Variants in FBXO22 observed in about 807,000 individuals in gnomAD.
FBXO22 encodes F-box protein 22, also known as F-box only protein 22.
A neutral mutation model predicts 37.2 loss-of-function variants in FBXO22; 13 were observed. The observed-to-expected ratio is 0.35, with a 90% CI of 0.23 to 0.56. The LOEUF (loss-of-function observed/expected upper bound fraction) is 0.56. FBXO22 is among the 20% of genes least tolerant of loss of function. FBXO22 has a pLI of 0.87. For synonymous variants in FBXO22, 189 were observed against 189.1 expected (o/e 1.00, Z 0.00); for missense variants, 446 against 509.9 (o/e 0.87, Z 1.21).
At chr15:75,932,453 CTTTGTA>C (rs2030066449) in intron 6 of FBXO22, among the ~76,000 whole-genome samples, 1 of 152,060 alleles carries the variant, frequency 6.6e-6, no homozygotes, top group African/African-American at 2.4e-5. Context: ...TGCATTGCCC[CTTTGTA>C]TTTGTGACTG....
rs552012513 is a variant in FBXO22 at position 75,932,337 on chromosome 15, TTG to T, written c.795-344_795-343del. 7.7e-3 allele frequency among the ~76,000 whole-genome samples: 1,173 copies of T among 152,346 alleles called. 9 individuals carry two copies. The highest frequency in any genetic ancestry group is 0.012 in the Non-Finnish European group (799 of 68,028). On this transcript the variant is annotated intron_variant, in intron 6 of 6. Coordinates refer to ENST00000308275, the MANE Select transcript of FBXO22 (RefSeq NM_147188.3). ...AGAAGGCTTCGTTTAGTGGATATCTTTGTGTATATTAATAAAATTATAACATT... is the reference window on the plus strand; with the variant it reads ...AGAAGGCTTCGTTTAGTGGATATCTTTGTATATTAATAAAATTATAACATT...
rs556304260 is a variant in FBXO22 at position 75,936,706 on chromosome 15, C to T, written c.*3604C>T. The T allele has an allele frequency of 6.6e-6, 1 of 152,320 alleles. No individual in the cohort carries two copies. The highest frequency in any genetic ancestry group is 6.5e-5 in the Admixed American group (1 of 15,296). The allele number at this position is 152,320 out of a possible 1,614,324, so 9.4% of individuals were successfully genotyped here. On this transcript the variant is annotated 3_prime_UTR_variant, in exon 7 of 7. Coordinates refer to ENST00000308275, the MANE Select transcript of FBXO22 (RefSeq NM_147188.3). ...TCTGCTGCCTCAGCCTCCCTAGTAG[C>T]TGGGATTACAGGCATGCGCCACCAT...
Position 75,941,546 on chromosome 15 carries a change from T to G in FBXO22, c.*8444T>G, listed in dbSNP as rs1263539331. 6.6e-6 allele frequency: 1 copy of G among 152,150 alleles called. No individual in the cohort carries two copies. Among genetic ancestry groups the G allele is most frequent in the Admixed American group, 6.5e-5 (1 of 15,274 alleles). 9.4% of individuals were successfully genotyped at this position (152,150 alleles called of 1,614,324 possible). A position where few individuals can be genotyped will look rare whatever the true frequency, so the allele number is the denominator to read the frequency against. On this transcript the variant is annotated 3_prime_UTR_variant, in exon 7 of 7. Transcript: ENST00000308275. ...CCCAAATACCCAACAGATGAATGGA[T>G]AGACAAAATGTGTTATATCCATACA...
chr15:75,925,974 A>T (rs1218746424), intron 5 of FBXO22, among the ~76,000 whole-genome samples: 1 of 152,208 alleles, frequency 6.6e-6, no homozygotes, highest in Non-Finnish European at 1.5e-5. Flanking sequence ...TACAGTAGTT[A>T]ACTTGATTAT....
chr15:75,930,226 T>G, intron 6 of FBXO22, 177 bp downstream of exon 6: 1 of 1,436,920 alleles, frequency 7.0e-7, no homozygotes, highest in African/African-American at 1.4e-5. Context: ...TGCTTACGGT[T>G]GAATAATTAC....
In FBXO22 at chr15:75,934,365, G is replaced by C. The variant is rs551683213; in HGVS notation, c.*1263G>C. ...AAGTGGCGTGGACTATCTACCTCCA[G>C]ACTGTTTTACAAGAGAGAAATTAGC... On this transcript the variant is annotated 3_prime_UTR_variant, in exon 7 of 7. Transcript: ENST00000308275. The C allele has an allele frequency of 9.9e-5, 15 of 152,170 alleles. No individual in the cohort carries two copies. Among genetic ancestry groups the C allele is most frequent in the Non-Finnish European group, 1.9e-4 (13 of 68,028 alleles). 9.4% of individuals were successfully genotyped at this position (152,170 alleles called of 1,614,324 possible).
chr15:75,904,892 C>T (rs890572730), intron 2 of FBXO22, among the ~76,000 whole-genome samples: 2 of 147,660 alleles, frequency 1.4e-5, no homozygotes, highest in Non-Finnish European at 3.0e-5. Context: ...GGCGCGATCT[C>T]GGCTCACCGC....
At chr15:75,915,912 A>AG (rs1229148143) in intron 4 of FBXO22, among the ~76,000 whole-genome samples, 2 of 151,470 alleles carry the variant, frequency 1.3e-5, no homozygotes, top group East Asian at 3.9e-4. Context: ...AAAAAAAAAA[A>AG]AAGCTAAAAT....
At chr15:75,907,614 C>T (rs965028109) in intron 2 of FBXO22, among the ~76,000 whole-genome samples, 1 of 151,758 alleles carries the variant, frequency 6.6e-6, no homozygotes, top group East Asian at 1.9e-4. Flanking sequence ...TTTTAAAGTC[C>T]GCCAGGCATG....
intron 3 of FBXO22, 70 bp downstream of exon 3, chr15:75,913,360 A>G: frequency 2.9e-6 from 3 of 1,048,366 alleles, no homozygotes; most frequent in Non-Finnish European, 2.9e-6. Flanking sequence ...GTTCAATATT[A>G]TACTTGTCCT....
intron 2 of FBXO22, among the ~76,000 whole-genome samples, chr15:75,912,839 T>C (rs1019026617): frequency 6.6e-6 from 1 of 152,214 alleles, no homozygotes; most frequent in Non-Finnish European, 1.5e-5. Flanking sequence ...CTTCTCTAGT[T>C]CTTTTAATTG....
intron 2 of FBXO22, among the ~76,000 whole-genome samples, chr15:75,909,342 A>T (rs1179617853): frequency 6.6e-6 from 1 of 152,188 alleles, no homozygotes; most frequent in Non-Finnish European, 1.5e-5. Flanking sequence ...GTTCCACAAG[A>T]ACAGAGCAAT....
intron 5 of FBXO22, among the ~76,000 whole-genome samples, chr15:75,917,963 A>G (rs1443553161): frequency 1.3e-5 from 2 of 152,188 alleles, no homozygotes; most frequent in Non-Finnish European, 2.9e-5. Context: ...TTGAAGAGGT[A>G]AAGGGTTGGC....
chr15:75,926,081 A>G (rs776299673), intron 5 of FBXO22, among the ~76,000 whole-genome samples: 42 of 152,212 alleles, frequency 2.8e-4, no homozygotes, highest in Non-Finnish European at 5.1e-4. Context: ...AGTAGGTTAC[A>G]CTGTTTAAAG....
chr15:75,918,623 G>T (rs774474212), intron 5 of FBXO22, among the ~76,000 whole-genome samples: 3 of 152,178 alleles, frequency 2.0e-5, no homozygotes, highest in African/African-American at 4.8e-5. Flanking sequence ...ATTAGCTGAT[G>T]GTGGATAAAG....
At position 75,933,816 on chromosome 15, in the gene FBXO22, C is replaced by T. The variant is rs148738256; in HGVS notation, c.*714C>T. On this transcript the variant is annotated 3_prime_UTR_variant, in exon 7 of 7. Transcript: ENST00000308275. ...TTGGTTTTATACCAATAAAACATAG[C>T]GTGGAACTCATTCAGGTAATGTTTT... 5 of 222,208 alleles carry T rather than the reference C, an allele frequency of 2.3e-5. No individual in the cohort carries two copies. Among genetic ancestry groups the T allele is most frequent in the Non-Finnish European group, 3.7e-5 (4 of 106,972 alleles). 13.8% of individuals were successfully genotyped at this position (222,208 alleles called of 1,614,324 possible).
At chr15:75,904,372 G>C in intron 1 of FBXO22, 119 bp from the exon 2 acceptor site, 3 of 1,452,870 alleles carry the variant, frequency 2.1e-6, no homozygotes, top group South Asian at 1.2e-5. Context: ...TACCTACCCC[G>C]GGGACTTTGG....
Position 75,930,162 on chromosome 15 carries a change from A to C in FBXO22, c.794+113A>C, listed in dbSNP as rs1271701709. On this transcript the variant is annotated intron_variant, in intron 6 of 6. Transcript: ENST00000308275. ...GTGTTTAAAGAATTATTAAGATAAT[A>C]GTTCATTCCATTTTGTAGTAGACAT... is the stretch of plus-strand genomic sequence containing the variant. 11 of 1,552,344 alleles carry C rather than the reference A, an allele frequency of 7.1e-6. No individual in the cohort carries two copies. The Admixed American group carries it at 2.0e-4, about 29-fold the overall frequency.
At chr15:75,904,658 C>A in intron 2 of FBXO22, 29 bp downstream of exon 2, 2 of 1,552,340 alleles carry the variant, frequency 1.3e-6, no homozygotes, top group South Asian at 1.2e-5. Context: ...CATGCACAGT[C>A]ATTTGCAGGT....
Sources: gnomAD v4.1 joint callset for allele counts (sites outside exome capture counted in the v4.1 genomes callset) on GRCh38, gnomAD v4.1.1 for gene constraint, MANE v1.5 for transcripts, NCBI Gene and HGNC (gene_info 2026-07-23, HGNC 2026-07-21) for gene names.